The following ASTN2 variants were observed in gnomAD, a reference collection of about 807,000 sequenced individuals.
The protein encoded by ASTN2 is astrotactin 2.
ASTN2 carries 54 observed loss-of-function variants against 139.8 expected under a neutral mutation model. That is an observed-to-expected ratio of 0.39 (90% CI 0.31 to 0.48). ASTN2 has a LOEUF of 0.48. ASTN2 is among the 20% of genes least tolerant of loss of function. ASTN2 has a pLI of 0.95. For synonymous variants in ASTN2, 756 were observed against 719.5 expected (o/e 1.05, Z -0.81); for missense variants, 1,565 against 1,725.1 (o/e 0.91, Z 1.64).
chr9:116,950,662 T>A (rs1463796383), intron 10 of ASTN2, among the ~76,000 whole-genome samples: 4 of 152,134 alleles, frequency 2.6e-5, no homozygotes, highest in African/African-American at 9.7e-5. Flanking sequence ...CTTATTCTGG[T>A]AGGAACAGGA....
chr9:117,374,251 G>T (rs1446449059), intron 1 of ASTN2, among the ~76,000 whole-genome samples: 1 of 151,576 alleles, frequency 6.6e-6, no homozygotes, highest in East Asian at 1.9e-4. Flanking sequence ...CCCAGTCTCT[G>T]CCTCATGCTG....
chr9:116,891,720 T>C (rs1833766254), intron 10 of ASTN2, among the ~76,000 whole-genome samples: 1 of 152,244 alleles, frequency 6.6e-6, no homozygotes, highest in Non-Finnish European at 1.5e-5. Flanking sequence ...CACTTGGTCA[T>C]CCATTTTACT....
intron 10 of ASTN2, among the ~76,000 whole-genome samples, chr9:116,973,238 G>A (rs1358038639): frequency 6.6e-6 from 1 of 152,128 alleles, no homozygotes; most frequent in African/African-American, 2.4e-5. Context: ...TCATGGAGCT[G>A]ATGTAAGAAT....
intron 16 of ASTN2, among the ~76,000 whole-genome samples, chr9:116,678,760 C>G (rs894673947): frequency 1.3e-5 from 2 of 152,086 alleles, no homozygotes; most frequent in Non-Finnish European, 2.9e-5. Flanking sequence ...AATCTGGGAC[C>G]ATGTGTCTGA....
At chr9:116,989,051 AGT>A (rs1836765655) in intron 7 of ASTN2, among the ~76,000 whole-genome samples, 3 of 152,238 alleles carry the variant, frequency 2.0e-5, no homozygotes, top group Admixed American at 1.3e-4. Context: ...GAAACAGCAA[AGT>A]GAAATACACA....
intron 1 of ASTN2, among the ~76,000 whole-genome samples, chr9:117,332,846 G>A (rs973585790): frequency 6.6e-6 from 1 of 152,156 alleles, no homozygotes; most frequent in African/African-American, 2.4e-5. Flanking sequence ...ACAGATGCAT[G>A]CTAAAACATG....
chr9:116,634,825 T>G (rs2131875092), intron 17 of ASTN2, among the ~76,000 whole-genome samples: 1 of 152,278 alleles, frequency 6.6e-6, no homozygotes, highest in South Asian at 2.1e-4. Flanking sequence ...CTGATTGCCC[T>G]TTTAATTTTT....
At chr9:116,812,234 C>T (rs543359303) in intron 12 of ASTN2, among the ~76,000 whole-genome samples, 22 of 152,254 alleles carry the variant, frequency 1.4e-4, no homozygotes, top group Admixed American at 9.8e-4. Flanking sequence ...ATCCTAATCC[C>T]GAACACCTGA....
chr9:117,392,019 T>C (rs1397847578), intron 1 of ASTN2, among the ~76,000 whole-genome samples: 1 of 152,134 alleles, frequency 6.6e-6, no homozygotes, highest in Non-Finnish European at 1.5e-5. Context: ...TAGGTTCCCA[T>C]AGTCTTGGGC....
intron 4 of ASTN2, 52 bp downstream of exon 4, chr9:117,141,274 A>C (rs1265728755): frequency 1.5e-6 from 2 of 1,352,756 alleles, no homozygotes; most frequent in East Asian, 4.6e-5. Context: ...GCATCTTTGG[A>C]ATCAGAGGAC....
intron 13 of ASTN2, among the ~76,000 whole-genome samples, chr9:116,750,312 C>A (rs1487442461): frequency 6.6e-6 from 1 of 152,146 alleles, no homozygotes; most frequent in African/African-American, 2.4e-5. Context: ...ACATTTAAAA[C>A]CAAGCCATAA....
intron 17 of ASTN2, among the ~76,000 whole-genome samples, chr9:116,643,975 T>C (rs1455667165): frequency 6.6e-6 from 1 of 152,208 alleles, no homozygotes; most frequent in Non-Finnish European, 1.5e-5. Context: ...CTTGTTCCTC[T>C]CTATAGCACA....
chr9:116,699,693 T>A lies in ASTN2; in HGVS notation c.2806+26078A>T, dbSNP rs1402865703. The A allele has an allele frequency of 1.2e-6, 2 of 1,614,212 alleles. No homozygotes were observed. The highest frequency in any genetic ancestry group is 1.7e-6 in the Non-Finnish European group (2 of 1,180,034). ...CTACAGCTACCATCTGAGAAGATAT[T>A]CCACCCCATAGGGGATGAGAAATTA... is the stretch of plus-strand genomic sequence containing the variant. On this transcript the variant is annotated intron_variant, in intron 16 of 22. Coordinates refer to ENST00000313400, the MANE Select transcript of ASTN2 (RefSeq NM_001365068.1). The surrounding 1 kb of genome is among the most constrained non-coding windows in gnomAD (Gnocchi z 4.2).
chr9:116,447,214 A>G (rs1415137080), intron 20 of ASTN2, among the ~76,000 whole-genome samples: 1 of 152,226 alleles, frequency 6.6e-6, no homozygotes, highest in East Asian at 1.9e-4. Flanking sequence ...TCCTTGAAGC[A>G]TCGCTCAAAC....
rs139096504 is a variant in ASTN2 at position 117,257,305 on chromosome 9, T to C, written c.630+34021A>G. On this transcript the variant is annotated intron_variant, in intron 2 of 22. Coordinates refer to ENST00000313400, the MANE Select transcript of ASTN2 (RefSeq NM_001365068.1). Reference sequence around the variant, plus strand: ...GCTGCATGAAAGCTAGCTTAAAGGATCCAAAGAACTCCAACATGGAAGGAA... The same window carrying C: ...GCTGCATGAAAGCTAGCTTAAAGGACCCAAAGAACTCCAACATGGAAGGAA... Among the ~76,000 whole-genome samples, 828 of 152,114 alleles carry C rather than the reference T, an allele frequency of 5.4e-3. 15 individuals carry two copies. Among genetic ancestry groups the C allele is most frequent in the African/African-American group, 0.019 (772 of 41,492 alleles).
chr9:117,045,957 TATG>T (rs1838723205), intron 5 of ASTN2, among the ~76,000 whole-genome samples: 1 of 43,782 alleles, frequency 2.3e-5, no homozygotes, highest in Non-Finnish European at 6.0e-5. Context: ...TGGGCTTTTG[TATG>T]TATGTATGTA....
chr9:117,071,664 T>C lies in ASTN2; in HGVS notation c.1276+24380A>G, dbSNP rs531414975. The stretch of plus-strand genomic sequence containing the variant: ...ACTGCTGTGCTAGCAATCAGCGAGA[T>C]TCCGTGGGCGTAGGACCCTCTGAGC... On this transcript the variant is annotated intron_variant, in intron 5 of 22. Transcript: ENST00000313400. Among the ~76,000 whole-genome samples, 402 of 148,210 alleles carry C rather than the reference T, an allele frequency of 2.7e-3. 4 individuals carry two copies. Among genetic ancestry groups the C allele is most frequent in the African/African-American group, 9.3e-3 (369 of 39,690 alleles).
chr9:116,737,244 C>A (rs1186139950), intron 13 of ASTN2, among the ~76,000 whole-genome samples: 1 of 152,154 alleles, frequency 6.6e-6, no homozygotes, highest in Non-Finnish European at 1.5e-5. Flanking sequence ...CAGAGGGCGC[C>A]CGGGGCCTTT....
At chr9:116,434,097 A>G (rs1231198215) in intron 22 of ASTN2, among the ~76,000 whole-genome samples, 1 of 152,182 alleles carries the variant, frequency 6.6e-6, no homozygotes, top group Non-Finnish European at 1.5e-5. Context: ...TGGTATTAGT[A>G]TGAGTATTTA....
Sources: allele counts gnomAD v4.1 joint callset (sites outside exome capture counted in the v4.1 genomes callset), GRCh38; gene constraint gnomAD v4.1.1; non-coding constraint Gnocchi (gnomAD v3.1); transcripts MANE v1.5; gene names NCBI Gene and HGNC (gene_info 2026-07-23, HGNC 2026-07-21).